The following SLC8A1 variants were observed in gnomAD, a reference collection of about 807,000 sequenced individuals.
SLC8A1 encodes sodium/calcium exchanger 1.
In SLC8A1, 18 loss-of-function variants were observed where a neutral mutation model predicts 68.3. That is an observed-to-expected ratio of 0.26 (90% CI 0.18 to 0.39). The LOEUF is 0.39. Among genes scored for constraint, SLC8A1 ranks in the 10% least tolerant of loss-of-function variants. The pLI is 1.00. For synonymous variants in SLC8A1, 475 were observed against 415.5 expected (o/e 1.14, Z -1.74); for missense variants, 985 against 1,156.7 (o/e 0.85, Z 2.15).
chr2:40,388,505 C>T (rs73928967), intron 2 of SLC8A1, among the ~76,000 whole-genome samples: 1,990 of 152,220 alleles, frequency 0.013, 39 homozygotes, highest in African/African-American at 0.044. Flanking sequence ...CCATTTAAAA[C>T]GTTAGGCTCA....
intron 2 of SLC8A1, among the ~76,000 whole-genome samples, chr2:40,295,516 A>G (rs895851908): frequency 1.3e-5 from 2 of 152,210 alleles, no homozygotes; most frequent in Non-Finnish European, 2.9e-5. Flanking sequence ...ATCTATAAAC[A>G]TTAGTAAAGA....
At chr2:40,459,954 T>C (rs1703245988) in intron 1 of SLC8A1, among the ~76,000 whole-genome samples, 1 of 152,220 alleles carries the variant, frequency 6.6e-6, no homozygotes, top group Non-Finnish European at 1.5e-5. Flanking sequence ...AAATCACCAA[T>C]TGCAAATTTG....
intron 2 of SLC8A1, among the ~76,000 whole-genome samples, chr2:40,256,403 G>A (rs774999866): frequency 2.0e-5 from 3 of 152,134 alleles, no homozygotes; most frequent in Non-Finnish European, 4.4e-5. Flanking sequence ...TCATTATGAT[G>A]TATACATATA....
At chr2:40,333,760 T>C (rs897486047) in intron 2 of SLC8A1, among the ~76,000 whole-genome samples, 4 of 151,912 alleles carry the variant, frequency 2.6e-5, no homozygotes, top group African/African-American at 9.7e-5. Flanking sequence ...ACAAAAAATA[T>C]CAATATGGGC....
chr2:40,337,515 C>T (rs11893746), intron 2 of SLC8A1, among the ~76,000 whole-genome samples: 42,333 of 151,852 alleles, frequency 0.28, 7,276 homozygotes, highest in South Asian at 0.44. Context: ...GCGCACTCAG[C>T]AATGCAATGG....
At chr2:40,195,346 A>T (rs1382515750) in intron 2 of SLC8A1, among the ~76,000 whole-genome samples, 1 of 151,946 alleles carries the variant, frequency 6.6e-6, no homozygotes, top group Non-Finnish European at 1.5e-5. Context: ...CAACAAGCTT[A>T]TTGGGATGCT....
chr2:40,478,865 G>T (rs1216315896), intron 1 of SLC8A1, among the ~76,000 whole-genome samples: 1 of 151,590 alleles, frequency 6.6e-6, no homozygotes, highest in Non-Finnish European at 1.5e-5. Flanking sequence ...TCCGCCTCCT[G>T]GGTTCAAGCA....
intron 2 of SLC8A1, among the ~76,000 whole-genome samples, chr2:40,257,823 C>A (rs1250974772): frequency 6.6e-6 from 1 of 152,214 alleles, no homozygotes; most frequent in Non-Finnish European, 1.5e-5. Flanking sequence ...TCTGCTCTGT[C>A]TTCCTATCTG....
intron 2 of SLC8A1, among the ~76,000 whole-genome samples, chr2:40,406,347 C>T (rs1690317279): frequency 1.3e-5 from 2 of 152,042 alleles, no homozygotes; most frequent in South Asian, 2.1e-4. Context: ...GTTATTTTTC[C>T]AAGATGCTAG....
rs1420665112 is a variant in SLC8A1, at chr2:40,241,458, C to T, written c.1809-63603G>A. On this transcript the variant is annotated intron_variant, in intron 2 of 7. Coordinates refer to ENST00000406785, the Ensembl canonical transcript of SLC8A1. ...ATCACACAATAAACCCGCACATGTACCCCCTCCGTCAAAAATAAAAGTTGA... is the reference window on the plus strand; with the variant it reads ...ATCACACAATAAACCCGCACATGTATCCCCTCCGTCAAAAATAAAAGTTGA... Among the ~76,000 whole-genome samples the T allele has an allele frequency of 3.3e-5, 5 of 152,228 alleles. No individual in the cohort carries two copies. In the Middle Eastern group the frequency reaches 0.01, roughly 311 times the overall value.
At chr2:40,253,466 T>A (rs1045210160) in intron 2 of SLC8A1, among the ~76,000 whole-genome samples, 2 of 152,026 alleles carry the variant, frequency 1.3e-5, no homozygotes, top group Non-Finnish European at 1.5e-5. Flanking sequence ...AAGTATTATA[T>A]GTTCTCACTC....
At chr2:40,483,003 A>T (rs1350464108) in intron 1 of SLC8A1, among the ~76,000 whole-genome samples, 1 of 142,216 alleles carries the variant, frequency 7.0e-6, no homozygotes, top group East Asian at 2.0e-4. Flanking sequence ...ACGGGGTTTC[A>T]CCGTGTTAGC....
chr2:40,228,502 C>A (rs963428059), intron 2 of SLC8A1, among the ~76,000 whole-genome samples: 1 of 152,152 alleles, frequency 6.6e-6, no homozygotes, highest in Non-Finnish European at 1.5e-5. Flanking sequence ...TAGAAGCCAA[C>A]GGCTGCAGCC....
intron 1 of SLC8A1, among the ~76,000 whole-genome samples, chr2:40,496,703 A>G (rs1019339909): frequency 1.3e-5 from 2 of 151,982 alleles, no homozygotes; most frequent in African/African-American, 4.8e-5. Context: ...CAATAAATAG[A>G]CTGCATATTT....
chr2:40,355,716 T>C (rs139212896), intron 2 of SLC8A1, among the ~76,000 whole-genome samples: 1 of 152,290 alleles, frequency 6.6e-6, no homozygotes, highest in East Asian at 1.9e-4. Flanking sequence ...TAACAAACAC[T>C]GGTCCACTGC....
At chr2:40,423,538 A>G (rs562123627) in intron 2 of SLC8A1, among the ~76,000 whole-genome samples, 41 of 152,154 alleles carry the variant, frequency 2.7e-4, no homozygotes, top group Non-Finnish European at 4.7e-4. Context: ...TCAGCCTTCT[A>G]TGTAATGGCC....
intron 2 of SLC8A1, among the ~76,000 whole-genome samples, chr2:40,278,633 G>A (rs1002558242): frequency 2.0e-5 from 3 of 152,136 alleles, no homozygotes; most frequent in East Asian, 1.9e-4. Flanking sequence ...GTGTGAGAGA[G>A]TAAGTGCTGG....
chr2:40,299,594 A>G (rs1421601944), intron 2 of SLC8A1, among the ~76,000 whole-genome samples: 1 of 152,110 alleles, frequency 6.6e-6, no homozygotes, highest in Admixed American at 6.6e-5. Context: ...GTGATGTGCA[A>G]ACATTTGGAC....
intron 2 of SLC8A1, among the ~76,000 whole-genome samples, chr2:40,259,597 A>G (rs971563349): frequency 8.5e-5 from 13 of 152,166 alleles, no homozygotes; most frequent in African/African-American, 3.1e-4. Context: ...CTCTGGCCTC[A>G]GCTAGGACTA....
Sources: allele counts gnomAD v4.1 joint callset (sites outside exome capture counted in the v4.1 genomes callset), GRCh38; gene constraint gnomAD v4.1.1; transcripts MANE v1.5; gene names NCBI Gene and HGNC (gene_info 2026-07-23, HGNC 2026-07-21).